DEFB131B: variants seen among roughly 807,000 people sequenced by gnomAD.
The protein encoded by DEFB131B is beta-defensin 131B.
A neutral mutation model predicts 2.1 loss-of-function variants in DEFB131B; 2 were observed. The ratio of observed to expected loss-of-function variants is 0.94; its 90% CI spans 0.38 to 2.95. DEFB131B has a LOEUF of 2.95. Among genes scored for constraint, DEFB131B ranks in the 30% most tolerant of loss-of-function variants. The pLI is 0.09. For synonymous variants in DEFB131B, 26 were observed against 25.8 expected (o/e 1.01, Z -0.03); for missense variants, 77 against 78.5 (o/e 0.98, Z 0.07).
intron 1 of DEFB131B, among the ~76,000 whole-genome samples, chr11:71,881,848 T>C (rs907716062): frequency 6.6e-6 from 1 of 152,090 alleles, no homozygotes; most frequent in Non-Finnish European, 1.5e-5. Flanking sequence ...AAGAACAGAA[T>C]ATTTAATAAG....
At chr11:71,883,183 G>C (rs1249193838) in intron 1 of DEFB131B, among the ~76,000 whole-genome samples, 1 of 152,058 alleles carries the variant, frequency 6.6e-6, no homozygotes, top group East Asian at 1.9e-4. Flanking sequence ...GCAATTTATA[G>C]ATTATATACA....
chr11:71,879,501 A>G (rs906025266), intron 1 of DEFB131B, among the ~76,000 whole-genome samples: 3 of 152,174 alleles, frequency 2.0e-5, no homozygotes, highest in African/African-American at 7.2e-5. Context: ...ATACTTCACA[A>G]TTCAAGATTC....
In DEFB131B at chr11:71,884,448, T is replaced by C. The variant is rs1952602106; in HGVS notation, c.100T>C (p.Tyr34His). 2.5e-6 allele frequency: 4 copies of C among 1,606,994 alleles called. No individual in the cohort carries two copies. The East Asian group carries it at 6.7e-5, about 27-fold the overall frequency. Residue 34 changes from tyrosine to histidine, a missense_variant, in exon 2 of 2, where the codon TAT becomes CAT. By Grantham distance (83) the Tyr-to-His change is moderately conservative (BLOSUM62 2). Transcript: ENST00000530210. ...TAATGATGAATGTCCTTCAGAATAT[T>C]ATCATTGCAGACTGAAGTGCAATGC... is the stretch of plus-strand genomic sequence containing the variant. ...TSNDECPSEY[Y>H]HCRLKCNADE...
intron 1 of DEFB131B, chr11:71,884,186 T>C: frequency 2.4e-6 from 1 of 418,796 alleles, no homozygotes; most frequent in Non-Finnish European, 4.2e-6. Flanking sequence ...TAAAATTCTG[T>C]ACATTTCCAA....
chr11:71,881,065 G>C (rs1952558312), intron 1 of DEFB131B, among the ~76,000 whole-genome samples: 1 of 152,168 alleles, frequency 6.6e-6, no homozygotes. Context: ...ATGATTATTT[G>C]TTAGCTTTCT....
chr11:71,882,760 A>G (rs1952579404), intron 1 of DEFB131B, among the ~76,000 whole-genome samples: 2 of 152,214 alleles, frequency 1.3e-5, no homozygotes, highest in Admixed American at 1.3e-4. Flanking sequence ...ATTAGGCAAG[A>G]AAAGGAAATA....
chr11:71,882,887 C>A (rs1189824628), intron 1 of DEFB131B, among the ~76,000 whole-genome samples: 2 of 152,044 alleles, frequency 1.3e-5, no homozygotes, highest in Non-Finnish European at 2.9e-5. Context: ...AAACTAATAA[C>A]AAATTCAGTA....
rs773460174 is a variant in DEFB131B at position 71,884,465 on chromosome 11, G to A, written c.117G>A (p.Lys39=). ...CPSEYYHCRL[K]CNADEHAIRY... ...CAGAATATTATCATTGCAGACTGAA[G>A]TGCAATGCTGATGAACATGCAATTA... Residue 39 remains lysine, a synonymous_variant, in exon 2 of 2, where the codon AAG becomes AAA. Coordinates refer to ENST00000530210, the MANE Select transcript of DEFB131B (RefSeq NM_001242853.1). 6.8e-6 allele frequency: 11 copies of A among 1,610,120 alleles called. No homozygotes were observed. The East Asian group carries it at 1.1e-4, about 16-fold the overall frequency.
At chr11:71,879,236 A>G (rs868436027) in intron 1 of DEFB131B, among the ~76,000 whole-genome samples, 2 of 152,302 alleles carry the variant, frequency 1.3e-5, no homozygotes, top group Middle Eastern at 6.8e-3. Flanking sequence ...TTTAAAGTTG[A>G]ATAAAACTCA....
intron 1 of DEFB131B, among the ~76,000 whole-genome samples, chr11:71,883,731 G>A (rs1430944376): frequency 2.0e-5 from 3 of 152,088 alleles, no homozygotes; most frequent in Admixed American, 1.3e-4. Context: ...GGAAGGATTG[G>A]TATGTTTAAA....
chr11:71,884,106 A>G (rs1952597834), intron 1 of DEFB131B, among the ~76,000 whole-genome samples: 2 of 152,228 alleles, frequency 1.3e-5, no homozygotes, highest in Admixed American at 1.3e-4. Flanking sequence ...TTCCTGCATT[A>G]TGAATCTCTA....
At chr11:71,880,531 T>C (rs1952553367) in intron 1 of DEFB131B, among the ~76,000 whole-genome samples, 1 of 152,202 alleles carries the variant, frequency 6.6e-6, no homozygotes, top group African/African-American at 2.4e-5. Context: ...TGCTCTGATT[T>C]TTATTATTTC....
intron 1 of DEFB131B, 147 bp downstream of exon 1, chr11:71,878,657 A>C: frequency 1.2e-6 from 1 of 826,798 alleles, no homozygotes; most frequent in East Asian, 2.7e-5. Context: ...GTTGATACTA[A>C]AGAAATAAAT....
rs777514257 is a variant in DEFB131B, at chr11:71,884,416, T to A, written c.68T>A (p.Phe23Tyr). The change falls in exon 2 of 2, where the codon TTC (phenylalanine) becomes TAC (tyrosine). Residue 23 changes from phenylalanine to tyrosine, a missense_variant. Transcript: ENST00000530210. ...LMSTVPPTRS[F>Y]TSNDECPSEY... The stretch of plus-strand genomic sequence containing the variant: ...TCTTCTCTTTTTAAAGCCAGAAGCT[T>A]CACTTCTAATGATGAATGTCCTTCA... The A allele has an allele frequency of 6.3e-7, 1 of 1,586,428 alleles. No homozygotes were observed. Among genetic ancestry groups the A allele is most frequent in the South Asian group, 1.2e-5 (1 of 86,330 alleles).
chr11:71,881,797 A>G (rs1952564693), intron 1 of DEFB131B, among the ~76,000 whole-genome samples: 1 of 152,230 alleles, frequency 6.6e-6, no homozygotes. Flanking sequence ...AATTTTAAAT[A>G]GCAACTTCCA....
At chr11:71,882,788 TG>T (rs1395214224) in intron 1 of DEFB131B, among the ~76,000 whole-genome samples, 1 of 152,144 alleles carries the variant, frequency 6.6e-6, no homozygotes, top group Non-Finnish European at 1.5e-5. Flanking sequence ...TCCAAACTGT[TG>T]GGGGGTGGGA....
At chr11:71,881,387 G>T (rs1952561149) in intron 1 of DEFB131B, among the ~76,000 whole-genome samples, 2 of 152,092 alleles carry the variant, frequency 1.3e-5, no homozygotes, top group African/African-American at 4.8e-5. Flanking sequence ...CACATAATGG[G>T]TGCCTTAAAT....
chr11:71,881,336 G>A (rs1476292910), intron 1 of DEFB131B, among the ~76,000 whole-genome samples: 1 of 151,906 alleles, frequency 6.6e-6, no homozygotes. Flanking sequence ...AGATGTATTA[G>A]GCCATTCTTG....
At chr11:71,878,537 A>C (rs1481715041) in intron 1 of DEFB131B, 27 bp downstream of exon 1, 1 of 1,600,898 alleles carries the variant, frequency 6.2e-7, no homozygotes, top group Non-Finnish European at 8.5e-7. Context: ...TTTATTCCAA[A>C]GTTCTAAAAA....
Sources: allele counts gnomAD v4.1 joint callset (sites outside exome capture counted in the v4.1 genomes callset), GRCh38; gene constraint gnomAD v4.1.1; transcripts MANE v1.5; gene names NCBI Gene and HGNC (gene_info 2026-07-23, HGNC 2026-07-21).